The following FAT3 variants were observed in gnomAD, a reference collection of about 807,000 sequenced individuals.
FAT3 encodes FAT atypical cadherin 3.
A neutral mutation model predicts 310.2 loss-of-function variants in FAT3; 95 were observed. The observed-to-expected ratio is 0.31, with a 90% CI of 0.26 to 0.36. FAT3 has a LOEUF of 0.36. Among genes scored for constraint, FAT3 ranks in the 10% least tolerant of loss-of-function variants. FAT3 has a pLI of 1.00. For missense variants in FAT3, 5,408 were observed against 5,715.6 expected, an observed-to-expected ratio of 0.95 and a Z score of 1.74; for synonymous variants, 2,314 against 2,192.9, an observed-to-expected ratio of 1.06 and a Z score of -1.54.
At chr11:92,768,679 AAG>A (rs1946383979) in intron 6 of FAT3, among the ~76,000 whole-genome samples, 1 of 152,230 alleles carries the variant, frequency 6.6e-6, no homozygotes, top group Non-Finnish European at 1.5e-5. Context: ...ATACAGAGGA[AAG>A]AGGGAACAAT....
chr11:92,452,838 C>G (rs1951396683), intron 2 of FAT3, among the ~76,000 whole-genome samples: 1 of 152,146 alleles, frequency 6.6e-6, no homozygotes, highest in South Asian at 2.1e-4. Flanking sequence ...TCACGGCTCA[C>G]TGAAGCCTTG....
chr11:92,800,997 A>C lies in FAT3; in HGVS notation c.7984A>C (p.Thr2662Pro). 1 of 1,613,516 alleles carries C rather than the reference A, an allele frequency of 6.2e-7. No individual in the cohort carries two copies. The highest frequency in any genetic ancestry group is 8.5e-7 in the Non-Finnish European group (1 of 1,179,716). The change falls in exon 10 of 28, where the codon ACA becomes CCA. Residue 2662 changes from threonine (T) to proline (P), a missense_variant. Around this residue, in one of 5 missense-constraint regions of FAT3, gnomAD observed 4,588 missense variants for 4,809.8 expected, o/e 0.95. Coordinates refer to ENST00000525166, the MANE Select transcript of FAT3 (RefSeq NM_001367949.2). ...CGATCCTGACAATGGCTGGATGGTC[A>C]CAAAGGGTAATTTTAACCAGCTGAA... Reference protein sequence around the residue: ...EIDPDNGWMVTKGNFNQLKNT... With the variant: ...EIDPDNGWMVPKGNFNQLKNT...
rs566357102 is a variant in FAT3, at chr11:92,595,856, G to A, written c.3607+70908G>A. ...GGAATAGTGTTGGTCAGGTGCCTGA[G>A]ACTAACTCTCCCAACCTTCTGTCGT... is the stretch of plus-strand genomic sequence containing the variant. On this transcript the variant is annotated intron_variant, in intron 3 of 27. Coordinates refer to ENST00000525166, the MANE Select transcript of FAT3 (RefSeq NM_001367949.2). Among the ~76,000 whole-genome samples the A allele has an allele frequency of 1.8e-4, 27 of 152,286 alleles. 1 individual carries two copies. The South Asian group carries it at 5.6e-3, about 32-fold the overall frequency.
At chr11:92,763,706 A>T (rs1946221942) in intron 5 of FAT3, among the ~76,000 whole-genome samples, 1 of 152,010 alleles carries the variant, frequency 6.6e-6, no homozygotes, top group South Asian at 2.1e-4. Flanking sequence ...TCCCCATGGG[A>T]TCCCTCTGGT....
At chr11:92,513,451 G>A (rs907625570) in intron 2 of FAT3, among the ~76,000 whole-genome samples, 3 of 152,108 alleles carry the variant, frequency 2.0e-5, no homozygotes, top group Admixed American at 2.0e-4. Context: ...AAGTGGTTAT[G>A]GAGCCCATGA....
At chr11:92,311,431 C>T (rs1472702297) in intron 1 of FAT3, among the ~76,000 whole-genome samples, 1 of 152,148 alleles carries the variant, frequency 6.6e-6, no homozygotes, top group African/African-American at 2.4e-5. Flanking sequence ...ATTTATCACT[C>T]TGTCTCATGA....
chr11:92,737,166 CAGA>C (rs368031268), intron 4 of FAT3, among the ~76,000 whole-genome samples: 2 of 152,074 alleles, frequency 1.3e-5, no homozygotes, highest in African/African-American at 2.4e-5. Context: ...TTTGGAAAAG[CAGA>C]AGATGAAGTG....
chr11:92,792,802 G>A lies in FAT3; in HGVS notation c.4647G>A (p.Leu1549=), dbSNP rs775554095. The change falls in exon 9 of 28, where the codon TTG becomes TTA. Residue 1549 remains leucine, a synonymous_variant. Coordinates refer to ENST00000525166, the MANE Select transcript of FAT3 (RefSeq NM_001367949.2). Reference sequence around the variant, plus strand: ...AGGAGTTTCCTTATCGAAGAAACTTGGCCCGAGTCATTGTGAATGTGGAGG... The same window carrying A: ...AGGAGTTTCCTTATCGAAGAAACTTAGCCCGAGTCATTGTGAATGTGGAGG... ...RDQEFPYRRN[L]ARVIVNVEDA... is the part of the protein sequence containing the mutation. 3 of 1,613,780 alleles carry A rather than the reference G, an allele frequency of 1.9e-6. No individual in the cohort carries two copies. The highest frequency in any genetic ancestry group is 2.5e-6 in the Non-Finnish European group (3 of 1,179,748).
intron 23 of FAT3, among the ~76,000 whole-genome samples, chr11:92,881,931 A>G (rs1270693894): frequency 1.3e-5 from 2 of 152,220 alleles, no homozygotes; most frequent in Non-Finnish European, 2.9e-5. Context: ...TGTTGAAGAC[A>G]TGTAGCCCTT....
chr11:92,635,623 A>G (rs1225004276), intron 3 of FAT3, among the ~76,000 whole-genome samples: 1 of 152,182 alleles, frequency 6.6e-6, no homozygotes, highest in Non-Finnish European at 1.5e-5. Context: ...TTCAACAGTT[A>G]AATTCCCCAG....
At chr11:92,673,737 C>G (rs922735465) in intron 3 of FAT3, among the ~76,000 whole-genome samples, 1 of 152,032 alleles carries the variant, frequency 6.6e-6, no homozygotes, top group African/African-American at 2.4e-5. Context: ...CTAGTCTGGA[C>G]TCCAATCCTG....
intron 2 of FAT3, among the ~76,000 whole-genome samples, chr11:92,418,171 T>C (rs1056869577): frequency 6.6e-6 from 1 of 152,170 alleles, no homozygotes; most frequent in African/African-American, 2.4e-5. Context: ...ATCTTTTAAT[T>C]GATTTCCGCA....
intron 3 of FAT3, among the ~76,000 whole-genome samples, chr11:92,591,206 C>T (rs1939407594): frequency 6.6e-6 from 1 of 152,126 alleles, no homozygotes; most frequent in Non-Finnish European, 1.5e-5. Context: ...GGCCCTCTGG[C>T]TTTGAAAATG....
chr11:92,477,761 A>G (rs754055621), intron 2 of FAT3, among the ~76,000 whole-genome samples: 1 of 152,224 alleles, frequency 6.6e-6, no homozygotes, highest in Non-Finnish European at 1.5e-5. Flanking sequence ...GAATGTATTC[A>G]AGGTTCACTG....
chr11:92,852,166 G>A (rs1200296369), intron 19 of FAT3, among the ~76,000 whole-genome samples: 4 of 152,114 alleles, frequency 2.6e-5, no homozygotes, highest in Non-Finnish European at 5.9e-5. Flanking sequence ...GCATACAAAG[G>A]TTAAGTCTCT....
intron 7 of FAT3, among the ~76,000 whole-genome samples, chr11:92,779,050 G>T (rs1946670878): frequency 6.6e-6 from 1 of 152,078 alleles, no homozygotes; most frequent in Non-Finnish European, 1.5e-5. Flanking sequence ...AGGGTTTCTG[G>T]CACAGGGGGA....
chr11:92,641,512 C>T (rs1257419841), intron 3 of FAT3, among the ~76,000 whole-genome samples: 1 of 152,166 alleles, frequency 6.6e-6, no homozygotes, highest in Non-Finnish European at 1.5e-5. Flanking sequence ...CTCCAGCTTC[C>T]AGTGGCTCCA....
At chr11:92,553,197 T>C (rs1462024713) in intron 3 of FAT3, among the ~76,000 whole-genome samples, 1 of 152,212 alleles carries the variant, frequency 6.6e-6, no homozygotes, top group Non-Finnish European at 1.5e-5. Flanking sequence ...TCCAGTTGTA[T>C]TTTTGCAACT....
chr11:92,815,529 C>T (rs1190854933), intron 13 of FAT3, among the ~76,000 whole-genome samples: 5 of 151,770 alleles, frequency 3.3e-5, no homozygotes, highest in South Asian at 2.1e-4. Context: ...GCAGAGATCA[C>T]GCCACCGCAC....
Sources: allele counts gnomAD v4.1 joint callset (sites outside exome capture counted in the v4.1 genomes callset), GRCh38; gene constraint gnomAD v4.1.1; regional missense constraint gnomAD v4.1.1; transcripts MANE v1.5; gene names NCBI Gene and HGNC (gene_info 2026-07-23, HGNC 2026-07-21).